The following ATP8B1 variants were observed in gnomAD, a reference collection of about 807,000 sequenced individuals.
ATP8B1 encodes ATPase phospholipid transporting 8B1.
Under a neutral mutation model 149.9 loss-of-function variants are expected in ATP8B1, and 80 were observed. The observed-to-expected ratio is 0.53, with a 90% CI of 0.45 to 0.64. The LOEUF (loss-of-function observed/expected upper bound fraction) is 0.64. ATP8B1 is among the 30% of genes least tolerant of loss of function. ATP8B1 has a pLI of 0.00. For synonymous variants in ATP8B1, 536 were observed against 562.8 expected, an observed-to-expected ratio of 0.95 and a Z score of 0.67; for missense variants, 1,247 against 1,552.6, an observed-to-expected ratio of 0.80 and a Z score of 3.31.
At chr18:57,726,711 C>G (rs1013065900) in intron 2 of ATP8B1, among the ~76,000 whole-genome samples, 1 of 152,174 alleles carries the variant, frequency 6.6e-6, no homozygotes, top group African/African-American at 2.4e-5. Context: ...GAGATTCTTA[C>G]CCAAGGTTCA....
intron 1 of ATP8B1, among the ~76,000 whole-genome samples, chr18:57,774,609 A>C (rs932425723): frequency 2.0e-5 from 3 of 151,940 alleles, no homozygotes; most frequent in Non-Finnish European, 4.4e-5. Flanking sequence ...AAAATAAATA[A>C]AATTTATTTA....
intron 1 of ATP8B1, among the ~76,000 whole-genome samples, chr18:57,744,440 T>TA (rs1331145777): frequency 4.0e-5 from 6 of 150,828 alleles, no homozygotes; most frequent in Admixed American, 2.0e-4. Context: ...AAAAAGTAAA[T>TA]AAAAGACTGG....
In ATP8B1 at chr18:57,730,387, A is replaced by G. The variant is rs540656934; in HGVS notation, c.181+1240T>C. Among the ~76,000 whole-genome samples, 5 of 4,920 alleles carry G rather than the reference A, an allele frequency of 1.0e-3. No homozygotes were observed. In the East Asian group the frequency reaches 0.25, roughly 246 times the overall value. 3.2% of individuals were successfully genotyped at this position (4,920 alleles called of 152,430 possible). ...GTGTCTGGAGCGCTGAAACCAGAAC[A>G]CTATGATAATGATTTCTGTGAATGT... is the stretch of plus-strand genomic sequence containing the variant. On this transcript the variant is annotated intron_variant, in intron 2 of 27. Transcript: ENST00000648908.
At chr18:57,766,689 C>T (rs749214100) in intron 1 of ATP8B1, among the ~76,000 whole-genome samples, 8 of 152,148 alleles carry the variant, frequency 5.3e-5, no homozygotes, top group East Asian at 1.9e-4. Flanking sequence ...ATCAAGCTCC[C>T]GGGTGATGCC....
chr18:57,673,157 C>T (rs965057667), intron 16 of ATP8B1, among the ~76,000 whole-genome samples: 1 of 151,376 alleles, frequency 6.6e-6, no homozygotes, highest in Admixed American at 6.6e-5. Context: ...GAGGGAACAT[C>T]AGACAAACGC....
chr18:57,761,127 A>T (rs1189174435), intron 1 of ATP8B1, among the ~76,000 whole-genome samples: 7 of 105,292 alleles, frequency 6.6e-5, no homozygotes, highest in African/African-American at 1.6e-4. Context: ...AATAAAATAA[A>T]ATAAAATAAA....
chr18:57,726,274 C>T (rs1321220433), intron 2 of ATP8B1, among the ~76,000 whole-genome samples: 1 of 151,890 alleles, frequency 6.6e-6, no homozygotes, highest in African/African-American at 2.4e-5. Context: ...GGAAACTCTC[C>T]AGGACACTAA....
At chr18:57,668,107 C>A (rs1398105650) in intron 19 of ATP8B1, 2 of 1,332,568 alleles carry the variant, frequency 1.5e-6, no homozygotes, top group Admixed American at 2.2e-5. Flanking sequence ...TGTCAAAGCA[C>A]TGGAAGGACA....
intron 15 of ATP8B1, among the ~76,000 whole-genome samples, chr18:57,682,065 C>T (rs1022085253): frequency 2.7e-5 from 4 of 150,130 alleles, no homozygotes; most frequent in Non-Finnish European, 5.9e-5. Flanking sequence ...AGTGCAGTGG[C>T]GTGATCTTGG....
Position 57,651,174 on chromosome 18 carries a change from A to G in ATP8B1, c.3401-677T>C, listed in dbSNP as rs560618518. ...CACGTTGGAGTGCAGTGGCGTGATC[A>G]TGGCTCACTGCAGCCTCAACCTCCT... is the stretch of plus-strand genomic sequence containing the variant. On this transcript the variant is annotated intron_variant, in intron 26 of 27. Coordinates refer to ENST00000648908, the MANE Select transcript of ATP8B1 (RefSeq NM_001374385.1). Among the ~76,000 whole-genome samples the G allele has an allele frequency of 1.6e-3, 239 of 152,278 alleles. 2 individuals are homozygous for G. The highest frequency in any genetic ancestry group is 5.6e-3 in the African/African-American group (233 of 41,568).
At chr18:57,718,674 T>C (rs182889506) in intron 2 of ATP8B1, among the ~76,000 whole-genome samples, 1 of 152,330 alleles carries the variant, frequency 6.6e-6, no homozygotes, top group East Asian at 1.9e-4. Flanking sequence ...TCATTCATCA[T>C]GATCAAGTGG....
At position 57,699,459 on chromosome 18, in the gene ATP8B1, G is replaced by A. The variant is rs117273570; in HGVS notation, c.554+1580C>T. The stretch of plus-strand genomic sequence containing the variant: ...TGTTGTTAAGACAGGAGTCTCGGCC[G>A]GGCCCGGTGGCTCACGCCTGTAATC... On this transcript the variant is annotated intron_variant, in intron 6 of 27. Coordinates refer to ENST00000648908, the MANE Select transcript of ATP8B1 (RefSeq NM_001374385.1). Among the ~76,000 whole-genome samples, 302 of 151,988 alleles carry A rather than the reference G, an allele frequency of 2.0e-3. 10 individuals carry two copies. The East Asian group carries it at 0.044, about 22-fold the overall frequency.
At chr18:57,687,304 T>G (rs1912299545) in intron 13 of ATP8B1, among the ~76,000 whole-genome samples, 2 of 152,232 alleles carry the variant, frequency 1.3e-5, no homozygotes, top group Admixed American at 6.5e-5. Context: ...ATCTGATTAT[T>G]CTAAGTACTT....
intron 27 of ATP8B1, 138 bp downstream of exon 27, chr18:57,650,229 G>A: frequency 9.0e-7 from 1 of 1,106,306 alleles, no homozygotes; most frequent in African/African-American, 1.5e-5. Context: ...TTGTGAGATA[G>A]AGTTAAAGAG....
chr18:57,683,895 G>A lies in ATP8B1; in HGVS notation c.1630+141C>T, dbSNP rs148425302. The A allele has an allele frequency of 2.2e-4, 242 of 1,109,208 alleles. No homozygotes were observed. In the African/African-American group the frequency reaches 3.4e-3, roughly 15 times the overall value. The allele number at this position is 1,109,208 out of a possible 1,614,324, so 68.7% of individuals were successfully genotyped here. A position where few individuals can be genotyped will look rare whatever the true frequency, so the allele number is the denominator to read the frequency against. On this transcript the variant is annotated intron_variant, in intron 15 of 27. Transcript: ENST00000648908. ...TTGCTCTTCCATAAACCATCTAGTG[G>A]TAAGTGCTGAGAAATATTCACTGCA... is the stretch of plus-strand genomic sequence containing the variant.
intron 15 of ATP8B1, among the ~76,000 whole-genome samples, chr18:57,679,311 AC>A (rs1911801446): frequency 6.6e-6 from 1 of 152,148 alleles, no homozygotes; most frequent in Admixed American, 6.5e-5. Context: ...GATCAATTGT[AC>A]CCCAAACTTC....
rs182213051 is a variant in ATP8B1, at chr18:57,663,680, T to C, written c.2286-1065A>G. ...TGATTTATCTTCCCCTAATGATTAG[T>C]GATGATGAGCCTCCTTTCACATGTT... On this transcript the variant is annotated intron_variant, in intron 20 of 27. Transcript: ENST00000648908. Among the ~76,000 whole-genome samples the C allele has an allele frequency of 8.5e-5, 13 of 152,112 alleles. No individual in the cohort carries two copies. In the East Asian group the frequency reaches 1.2e-3, roughly 14 times the overall value.
At chr18:57,652,198 A>G in intron 25 of ATP8B1, 26 bp from the exon 26 acceptor site, 2 of 1,613,770 alleles carry the variant, frequency 1.2e-6, no homozygotes, top group Non-Finnish European at 1.7e-6. Context: ...AGAAAAACAG[A>G]GCACTCATTT....
At position 57,661,384 on chromosome 18, in the gene ATP8B1, GTCTT is replaced by G; in HGVS notation, c.2493_2496del (p.Glu831AspfsTer11). The G allele has an allele frequency of 6.2e-7, 1 of 1,613,820 alleles. No homozygotes were observed. The highest frequency in any genetic ancestry group is 8.5e-7 in the Non-Finnish European group (1 of 1,179,974). On this transcript the variant is annotated frameshift_variant, in exon 22 of 28. Coordinates refer to ENST00000648908, the MANE Select transcript of ATP8B1 (RefSeq NM_001374385.1). LOFTEE classifies it high-confidence loss of function. ...CTCCTTTTACTTTGGGTCCGCATCC[GTCTT>G]TCTTCTTCTGTTCTTGGGAACTTCA...
Sources: allele counts gnomAD v4.1 joint callset (sites outside exome capture counted in the v4.1 genomes callset), GRCh38; gene constraint gnomAD v4.1.1; transcripts MANE v1.5; gene names NCBI Gene and HGNC (gene_info 2026-07-23, HGNC 2026-07-21).